The following TACC2 variants were observed in gnomAD, a reference collection of about 807,000 sequenced individuals.
TACC2 encodes the protein transforming acidic coiled-coil-containing protein 2.
TACC2 carries 137 observed loss-of-function variants against 227.3 expected under a neutral mutation model. The observed-to-expected ratio is 0.60, with a 90% CI of 0.52 to 0.69. TACC2 has a LOEUF of 0.69. Among genes scored for constraint, TACC2 ranks in the 30% least tolerant of loss-of-function variants. The probability of loss-of-function intolerance (pLI) is 0.00; values close to 1 mark genes in which losing one functional copy is unlikely to be tolerated. For synonymous variants in TACC2, 1,523 were observed against 1,487.5 expected (o/e 1.02, Z -0.55); for missense variants, 3,470 against 3,694.4 (o/e 0.94, Z 1.57).
chr10:122,189,159 AGG>A (rs1491118958), intron 7 of TACC2, among the ~76,000 whole-genome samples: 1 of 152,096 alleles, frequency 6.6e-6, no homozygotes. Context: ...TATGCCAGCG[AGG>A]TGTGTGTGTG....
At chr10:122,164,706 G>A (rs1303407060) in intron 7 of TACC2, among the ~76,000 whole-genome samples, 1 of 152,136 alleles carries the variant, frequency 6.6e-6, no homozygotes, top group Non-Finnish European at 1.5e-5. Flanking sequence ...ATGTTTGGAC[G>A]ATGGGGCGTA....
At chr10:122,088,413 G>T in intron 4 of TACC2, 65 bp from the exon 5 acceptor site, 1 of 1,396,150 alleles carries the variant, frequency 7.2e-7, no homozygotes, top group South Asian at 1.5e-5. Flanking sequence ...TTTTTCAATA[G>T]GACATGAGGA....
chr10:122,027,345 T>G (rs1565102514), intron 2 of TACC2, among the ~76,000 whole-genome samples: 1 of 152,220 alleles, frequency 6.6e-6, no homozygotes, highest in Non-Finnish European at 1.5e-5. Flanking sequence ...TTCTTGTATA[T>G]TTTGGATAAA....
intron 7 of TACC2, among the ~76,000 whole-genome samples, chr10:122,191,673 T>C (rs528846711): frequency 5.4e-4 from 83 of 152,370 alleles, no homozygotes; most frequent in African/African-American, 2.0e-3. Flanking sequence ...TTTATTGCAT[T>C]TGCATATTTA....
intron 7 of TACC2, chr10:122,163,704 C>T (rs1378692664): frequency 1.8e-6 from 2 of 1,118,914 alleles, no homozygotes; most frequent in African/African-American, 1.6e-5. Context: ...CGGCCACACT[C>T]GCGCGCACAC....
intron 6 of TACC2, among the ~76,000 whole-genome samples, chr10:122,135,036 C>T (rs2089302582): frequency 6.6e-6 from 1 of 152,202 alleles, no homozygotes; most frequent in Non-Finnish European, 1.5e-5. Flanking sequence ...CTCCGTAAAT[C>T]CTCATGCCAG....
At chr10:122,104,051 G>C (rs144401495) in intron 5 of TACC2, among the ~76,000 whole-genome samples, 1 of 152,296 alleles carries the variant, frequency 6.6e-6, no homozygotes, top group South Asian at 2.1e-4. Context: ...TGAAGGCAAG[G>C]ATGTTGTCTT....
intron 2 of TACC2, among the ~76,000 whole-genome samples, chr10:122,027,395 G>A (rs199704432): frequency 6.6e-6 from 1 of 151,970 alleles, no homozygotes; most frequent in African/African-American, 2.4e-5. Flanking sequence ...CCTGTGGCTT[G>A]TCTTCTTATT....
chr10:122,113,442 A>C (rs2138100419), intron 5 of TACC2, among the ~76,000 whole-genome samples: 1 of 152,324 alleles, frequency 6.6e-6, no homozygotes, highest in East Asian at 1.9e-4. Flanking sequence ...CGGGCCCCAG[A>C]GTGTCTGCCC....
intron 3 of TACC2, among the ~76,000 whole-genome samples, chr10:122,068,757 G>A (rs547883094): frequency 3.3e-5 from 5 of 151,424 alleles, no homozygotes; most frequent in South Asian, 4.2e-4. Context: ...TCCGCTTTCC[G>A]GGTTCAAGTG....
intron 7 of TACC2, among the ~76,000 whole-genome samples, chr10:122,156,227 CTTT>C (rs146123247): frequency 7.5e-6 from 1 of 133,616 alleles, no homozygotes. Context: ...AAAATGTAGA[CTTT>C]TTTTTTTTTT....
intron 7 of TACC2, among the ~76,000 whole-genome samples, chr10:122,183,191 TGA>T: frequency 6.7e-6 from 1 of 149,834 alleles, no homozygotes; most frequent in South Asian, 2.1e-4. Context: ...GGTAACAGAG[TGA>T]GACTCTGTCT....
At position 122,087,801 on chromosome 10, in the gene TACC2, C is replaced by T; in HGVS notation, c.5301C>T (p.Asp1767=). ...GMEGTAALHG[D]SPARPQQAKE... ...AGGGTACAGCTGCCCTTCATGGGGA[C>T]AGCCCAGCCAGGCCCCAGCAGGCTA... Residue 1767 remains aspartate, a synonymous_variant, in exon 4 of 23, where the codon GAC becomes GAT. Transcript: ENST00000369005. 1.9e-6 allele frequency: 3 copies of T among 1,582,352 alleles called. No individual in the cohort carries two copies. Among genetic ancestry groups the T allele is most frequent in the Non-Finnish European group, 2.6e-6 (3 of 1,162,846 alleles).
At chr10:122,197,423 G>A (rs1348296301) in intron 8 of TACC2, among the ~76,000 whole-genome samples, 1 of 152,226 alleles carries the variant, frequency 6.6e-6, no homozygotes, top group Non-Finnish European at 1.5e-5. Flanking sequence ...TGAATGGGAT[G>A]CCACTCTGTT....
At chr10:122,139,014 C>T (rs2090124054) in intron 6 of TACC2, among the ~76,000 whole-genome samples, 1 of 152,162 alleles carries the variant, frequency 6.6e-6, no homozygotes, top group Admixed American at 6.5e-5. Flanking sequence ...AAATCTTGCC[C>T]CTGGGCCCGC....
chr10:122,133,828 A>G (rs984688185), intron 6 of TACC2, among the ~76,000 whole-genome samples: 2 of 152,128 alleles, frequency 1.3e-5, no homozygotes, highest in Non-Finnish European at 2.9e-5. Flanking sequence ...CTAGACTGGG[A>G]ACTCCTTGAG....
At chr10:122,007,081 CA>C (rs994952005) in intron 1 of TACC2, among the ~76,000 whole-genome samples, 1 of 152,068 alleles carries the variant, frequency 6.6e-6, no homozygotes, top group Non-Finnish European at 1.5e-5. Context: ...AGGCTGGTCT[CA>C]AACTCCCGAC....
At chr10:122,135,176 C>T (rs764599341) in intron 6 of TACC2, among the ~76,000 whole-genome samples, 2 of 152,140 alleles carry the variant, frequency 1.3e-5, no homozygotes, top group East Asian at 1.9e-4. Context: ...AGCTCTGGCC[C>T]GGCTGCCCAC....
At chr10:122,076,591 G>A (rs889532771) in intron 3 of TACC2, among the ~76,000 whole-genome samples, 1 of 152,056 alleles carries the variant, frequency 6.6e-6, no homozygotes, top group Non-Finnish European at 1.5e-5. Context: ...ACAGGCTTTA[G>A]TACTTTATAA....
Sources: gnomAD v4.1 joint callset for allele counts (sites outside exome capture counted in the v4.1 genomes callset) on GRCh38, gnomAD v4.1.1 for gene constraint, MANE v1.5 for transcripts, NCBI Gene and HGNC (gene_info 2026-07-23, HGNC 2026-07-21) for gene names.